TINAG: variants seen among roughly 807,000 people sequenced by gnomAD.
TINAG encodes the protein tubulointerstitial nephritis antigen.
TINAG carries 83 observed loss-of-function variants against 72.7 expected under a neutral mutation model. The ratio of observed to expected loss-of-function variants is 1.14; its 90% CI spans 0.96 to 1.37. The LOEUF is 1.37. Ranked by LOEUF, TINAG falls within the 40% of genes most tolerant of loss-of-function variation. The pLI is 0.00. For missense variants in TINAG, 685 were observed against 576.6 expected (o/e 1.19, Z -1.93); for synonymous variants, 234 against 189.9 (o/e 1.23, Z -1.91).
At chr6:54,319,968 T>C (rs1301376149) in intron 1 of TINAG, among the ~76,000 whole-genome samples, 2 of 152,026 alleles carry the variant, frequency 1.3e-5, no homozygotes, top group Non-Finnish European at 2.9e-5. Flanking sequence ...TTTTGAGTAG[T>C]TCATATAATC....
At position 54,309,453 on chromosome 6, in the gene TINAG, T is replaced by C. The variant is rs562655642; in HGVS notation, c.355+548T>C. 4.6e-5 allele frequency among the ~76,000 whole-genome samples: 7 copies of C among 152,304 alleles called. No homozygotes were observed. In the East Asian group the frequency reaches 1.2e-3, roughly 25 times the overall value. On this transcript the variant is annotated intron_variant, in intron 1 of 10. Coordinates refer to ENST00000259782, the MANE Select transcript of TINAG (RefSeq NM_014464.4). Reference sequence around the variant, plus strand: ...AGTAATACCAAATGTATTCTTCACGTGTATTTTTGTTTTGCTTCATTTGTT... The same window carrying C: ...AGTAATACCAAATGTATTCTTCACGCGTATTTTTGTTTTGCTTCATTTGTT...
intron 4 of TINAG, among the ~76,000 whole-genome samples, chr6:54,328,741 C>A (rs1368269559): frequency 6.6e-6 from 1 of 151,824 alleles, no homozygotes; most frequent in Non-Finnish European, 1.5e-5. Flanking sequence ...GTTACAGGAA[C>A]TACTAACCAG....
intron 8 of TINAG, among the ~76,000 whole-genome samples, chr6:54,353,246 A>G (rs553105600): frequency 6.6e-6 from 1 of 151,840 alleles, no homozygotes; most frequent in African/African-American, 2.4e-5. Context: ...GGAAAGTTGA[A>G]TCATAAGACC....
intron 4 of TINAG, among the ~76,000 whole-genome samples, chr6:54,334,215 C>A (rs1367113143): frequency 6.6e-6 from 1 of 152,182 alleles, no homozygotes; most frequent in Admixed American, 6.5e-5. Context: ...ATGCCCGGGG[C>A]AGAGTGGTGC....
chr6:54,331,151 C>T (rs1241955343), intron 4 of TINAG, among the ~76,000 whole-genome samples: 2 of 152,026 alleles, frequency 1.3e-5, no homozygotes, highest in African/African-American at 4.8e-5. Context: ...AGAGACACGA[C>T]AAAAAACAAA....
At position 54,347,239 on chromosome 6, in the gene TINAG, C is replaced by CTTTGGCTTTAATTATAAATTATACACAGT. The variant is rs1785143852; in HGVS notation, c.749-124_749-96dup. 6 of 849,546 alleles carry CTTTGGCTTTAATTATAAATTATACACAGT rather than the reference C, an allele frequency of 7.1e-6. No homozygotes were observed. In the African/African-American group the frequency reaches 1.0e-4, roughly 15 times the overall value. 52.6% of individuals were successfully genotyped at this position (849,546 alleles called of 1,614,324 possible). On this transcript the variant is annotated intron_variant, in intron 5 of 10. Transcript: ENST00000259782. ...TGGAATACATAAATATATTAATGCT[C>CTTTGGCTTTAATTATAAATTATACACAGT]TTTGGCTTTAATTATAAATTATACA...
intron 10 of TINAG, among the ~76,000 whole-genome samples, chr6:54,388,797 A>G (rs528110938): frequency 6.6e-6 from 1 of 151,914 alleles, no homozygotes; most frequent in East Asian, 1.9e-4. Context: ...CCATTTTTGC[A>G]TTTTAGAAAG....
At chr6:54,349,528 TAAG>T (rs1785209467) in intron 6 of TINAG, among the ~76,000 whole-genome samples, 185 bp from the exon 7 acceptor site, 1 of 151,836 alleles carries the variant, frequency 6.6e-6, no homozygotes, top group African/African-American at 2.4e-5. Flanking sequence ...AATGAAAAAA[TAAG>T]AGGAGGGTAG....
Position 54,342,746 on chromosome 6 carries a change from A to G in TINAG, c.625-480A>G, listed in dbSNP as rs188714554. Among the ~76,000 whole-genome samples the G allele has an allele frequency of 2.0e-5, 3 of 152,318 alleles. No homozygotes were observed. In the East Asian group the frequency reaches 5.8e-4, roughly 29 times the overall value. ...AGTTGTATTTCCTAATAGCTGGTGTAAAATTGATGTGTTCCTTGGGGCTCT... is the reference window on the plus strand; with the variant it reads ...AGTTGTATTTCCTAATAGCTGGTGTGAAATTGATGTGTTCCTTGGGGCTCT... On this transcript the variant is annotated intron_variant, in intron 4 of 10. Transcript: ENST00000259782.
rs139551814 is a variant in TINAG, at chr6:54,346,433, T to C, written c.749-934T>C. 8.6e-5 allele frequency among the ~76,000 whole-genome samples: 13 copies of C among 151,942 alleles called. No homozygotes were observed. The East Asian group carries it at 2.5e-3, about 29-fold the overall frequency. On this transcript the variant is annotated intron_variant, in intron 5 of 10. Transcript: ENST00000259782. ...GTTTGTGTGTGTGTGTGTATACATA[T>C]ATAATGATATTAGTTAACAATATGA...
chr6:54,338,604 G>T (rs1334850853), intron 4 of TINAG, among the ~76,000 whole-genome samples: 2 of 151,134 alleles, frequency 1.3e-5, no homozygotes, highest in Non-Finnish European at 2.9e-5. Flanking sequence ...CGTGTCTGTA[G>T]TCCCAGCTAC....
At chr6:54,316,296 G>A (rs547483479) in intron 1 of TINAG, among the ~76,000 whole-genome samples, 23 of 152,202 alleles carry the variant, frequency 1.5e-4, no homozygotes, top group African/African-American at 5.5e-4. Context: ...ATACAAGGGT[G>A]GTATGTGACT....
At chr6:54,342,933 T>C (rs888223174) in intron 4 of TINAG, among the ~76,000 whole-genome samples, 2 of 152,170 alleles carry the variant, frequency 1.3e-5, no homozygotes, top group African/African-American at 4.8e-5. Context: ...TGAGCAAAAC[T>C]CTGATTCAAG....
rs549479886 is a variant in TINAG, at chr6:54,311,221, G to A, written c.355+2316G>A. On this transcript the variant is annotated intron_variant, in intron 1 of 10. Coordinates refer to ENST00000259782, the MANE Select transcript of TINAG (RefSeq NM_014464.4). ...TTTAAGACTCTCTCCATGTCTCCGT[G>A]GACTAGTATGACTAGTCTGTGGCTT... 2.6e-5 allele frequency among the ~76,000 whole-genome samples: 4 copies of A among 152,148 alleles called. No individual in the cohort carries two copies. In the East Asian group the frequency reaches 7.7e-4, roughly 29 times the overall value.
intron 8 of TINAG, among the ~76,000 whole-genome samples, chr6:54,352,805 ATTTAAATACCTTAGATTTAT>A (rs1785298112): frequency 6.6e-6 from 1 of 151,692 alleles, no homozygotes; most frequent in Non-Finnish European, 1.5e-5. Flanking sequence ...AATTGAGAAA[ATTTAAATACCTTAGATTTAT>A]TTTATGGCCA....
chr6:54,321,331 C>G lies in TINAG; in HGVS notation c.454C>G (p.His152Asp). 1.9e-6 allele frequency: 3 copies of G among 1,613,802 alleles called. No individual in the cohort carries two copies. Among genetic ancestry groups the G allele is most frequent in the Non-Finnish European group, 2.5e-6 (3 of 1,179,828 alleles). The change falls in exon 3 of 11, where the codon CAT becomes GAT. Residue 152 changes from histidine (H) to aspartate (D), a missense_variant. His to Asp is a moderately conservative substitution (Grantham distance 81). Transcript: ENST00000259782. ...CSGQQWKCSQ[H>D]VCLVRSELIE... ...AGGACAGCAATGGAAATGTTCCCAGCATGTATGCCTTGTTCGTTCAGAATT... is the reference window on the plus strand; with the variant it reads ...AGGACAGCAATGGAAATGTTCCCAGGATGTATGCCTTGTTCGTTCAGAATT...
At chr6:54,371,981 GTTTTTTTTTT>G (rs576340253) in intron 9 of TINAG, among the ~76,000 whole-genome samples, 85 of 71,434 alleles carry the variant, frequency 1.2e-3, no homozygotes, top group African/African-American at 3.8e-3. Context: ...TTCAAGTCAT[GTTTTTTTTTT>G]TTTTTTTTTT....
At chr6:54,329,070 A>T (rs927605050) in intron 4 of TINAG, among the ~76,000 whole-genome samples, 1 of 152,060 alleles carries the variant, frequency 6.6e-6, no homozygotes, top group African/African-American at 2.4e-5. Context: ...ATCCAGGAAA[A>T]CTTCCCCAAC....
At chr6:54,372,765 T>C (rs3996975) in intron 9 of TINAG, among the ~76,000 whole-genome samples, 24,530 of 114,458 alleles carry the variant, frequency 0.21, 2,316 homozygotes, top group African/African-American at 0.31. Context: ...TATATATATA[T>C]ATATATACAC....
Sources: allele counts gnomAD v4.1 joint callset (sites outside exome capture counted in the v4.1 genomes callset), GRCh38; gene constraint gnomAD v4.1.1; transcripts MANE v1.5; gene names NCBI Gene and HGNC (gene_info 2026-07-23, HGNC 2026-07-21).